CCDC170: variants seen among roughly 807,000 people sequenced by gnomAD.
The protein encoded by CCDC170 is coiled-coil domain containing 170, also known as coiled-coil domain-containing protein 170.
CCDC170 carries 69 observed loss-of-function variants against 72.6 expected under a neutral mutation model. The observed-to-expected ratio is 0.95, with a 90% confidence interval of 0.78 to 1.16. The LOEUF is 1.16. Ranked by LOEUF, CCDC170 falls within the 50% of genes most tolerant of loss-of-function variation. CCDC170 has a pLI of 0.00. For missense variants in CCDC170, 852 were observed against 832.5 expected (o/e 1.02, Z -0.29); for synonymous variants, 300 against 303.9 (o/e 0.99, Z 0.13).
chr6:151,571,722 C>T lies in CCDC170; in HGVS notation c.775-1452C>T, dbSNP rs538300430. Among the ~76,000 whole-genome samples the T allele has an allele frequency of 6.1e-5, 9 of 147,978 alleles. 1 individual carries two copies. Among genetic ancestry groups the T allele is most frequent in the East Asian group, 2.4e-4 (1 of 4,186 alleles). On this transcript the variant is annotated intron_variant, in intron 5 of 10. Coordinates refer to ENST00000239374, the MANE Select transcript of CCDC170 (RefSeq NM_025059.4). Reference sequence around the variant, plus strand: ...AGCCTGGGCAATAAGAGTGAAACTCCGTCCCGGGAGAAAAAAAAATCCTCC... The same window carrying T: ...AGCCTGGGCAATAAGAGTGAAACTCTGTCCCGGGAGAAAAAAAAATCCTCC...
At chr6:151,550,354 G>A (rs1177962533) in intron 5 of CCDC170, among the ~76,000 whole-genome samples, 3 of 152,206 alleles carry the variant, frequency 2.0e-5, no homozygotes. Context: ...ACAGGCTGAG[G>A]AGGGGCCTGG....
At chr6:151,555,230 A>G (rs1481798672) in intron 5 of CCDC170, among the ~76,000 whole-genome samples, 4 of 152,172 alleles carry the variant, frequency 2.6e-5, no homozygotes, top group Admixed American at 2.6e-4. Flanking sequence ...AGGCTCTCTT[A>G]CTATTACGTT....
At chr6:151,565,840 A>G (rs1007449399) in intron 5 of CCDC170, among the ~76,000 whole-genome samples, 3 of 152,208 alleles carry the variant, frequency 2.0e-5, no homozygotes, top group African/African-American at 7.2e-5. Context: ...AAAATTTAAA[A>G]TCAGTTAAAT....
intron 2 of CCDC170, 34 bp downstream of exon 2, chr6:151,536,480 G>C (rs1243014997): frequency 1.9e-6 from 3 of 1,609,594 alleles, no homozygotes; most frequent in African/African-American, 2.7e-5. Context: ...TCAGAAATGG[G>C]CCTTCTTAGC....
At chr6:151,615,276 T>C (rs766101626) in intron 9 of CCDC170, among the ~76,000 whole-genome samples, 167 bp from the exon 10 acceptor site, 6 of 152,252 alleles carry the variant, frequency 3.9e-5, no homozygotes, top group Non-Finnish European at 7.3e-5. Flanking sequence ...AAGACATGTT[T>C]GTCCAGCACA....
chr6:151,495,087 G>C (rs1781890582), intron 1 of CCDC170, among the ~76,000 whole-genome samples: 1 of 152,172 alleles, frequency 6.6e-6, no homozygotes, highest in African/African-American at 2.4e-5. Flanking sequence ...GATATCCCTG[G>C]GGGATGTAGT....
At chr6:151,572,812 G>A (rs192063639) in intron 5 of CCDC170, among the ~76,000 whole-genome samples, 96 of 151,706 alleles carry the variant, frequency 6.3e-4, no homozygotes, top group South Asian at 2.3e-3. Context: ...ACTATGCCCC[G>A]CTAAGTTTTG....
intron 1 of CCDC170, among the ~76,000 whole-genome samples, chr6:151,515,623 G>A (rs1423811920): frequency 6.6e-6 from 1 of 152,170 alleles, no homozygotes; most frequent in Non-Finnish European, 1.5e-5. Flanking sequence ...CCTCCAGGTA[G>A]CAGGCTTCAG....
chr6:151,556,943 C>G (rs1023641535), intron 5 of CCDC170, among the ~76,000 whole-genome samples: 3 of 152,174 alleles, frequency 2.0e-5, no homozygotes, highest in Non-Finnish European at 4.4e-5. Flanking sequence ...CTATATGAGT[C>G]AACTCTTTTA....
intron 1 of CCDC170, among the ~76,000 whole-genome samples, chr6:151,530,251 T>TC (rs1782475184): frequency 6.6e-6 from 1 of 151,968 alleles, no homozygotes; most frequent in Non-Finnish European, 1.5e-5. Flanking sequence ...TTATTTCCAT[T>TC]TCTTTTGATA....
chr6:151,577,689 G>C (rs1776323071), intron 6 of CCDC170, among the ~76,000 whole-genome samples: 1 of 152,212 alleles, frequency 6.6e-6, no homozygotes, highest in African/African-American at 2.4e-5. Flanking sequence ...ACCCGCACCA[G>C]TGCCTGGCCT....
At chr6:151,600,592 T>C (rs1312359586) in intron 9 of CCDC170, among the ~76,000 whole-genome samples, 3 of 152,152 alleles carry the variant, frequency 2.0e-5, no homozygotes, top group African/African-American at 7.2e-5. Flanking sequence ...TAAGGTCACA[T>C]TCCGAGGTTC....
At chr6:151,547,479 C>A (rs73615746) in intron 4 of CCDC170, among the ~76,000 whole-genome samples, 19,636 of 151,942 alleles carry the variant, frequency 0.13, 3,933 homozygotes, top group African/African-American at 0.43. Flanking sequence ...GTTTTGAGGG[C>A]CATTGAGGAG....
intron 1 of CCDC170, among the ~76,000 whole-genome samples, chr6:151,531,969 A>G (rs1382832138): frequency 1.3e-5 from 2 of 152,310 alleles, no homozygotes; most frequent in Admixed American, 1.3e-4. Flanking sequence ...ACAATTCAAG[A>G]TGATATTTGA....
At chr6:151,516,154 C>G (rs1238530644) in intron 1 of CCDC170, among the ~76,000 whole-genome samples, 1 of 151,824 alleles carries the variant, frequency 6.6e-6, no homozygotes, top group South Asian at 2.1e-4. Context: ...TAATGCTATA[C>G]TAGAGTCAGG....
intron 1 of CCDC170, among the ~76,000 whole-genome samples, chr6:151,525,761 A>C (rs1038995719): frequency 2.6e-5 from 4 of 152,234 alleles, no homozygotes; most frequent in Non-Finnish European, 5.9e-5. Flanking sequence ...ACAGATGTGC[A>C]TGACACTATA....
intron 1 of CCDC170, among the ~76,000 whole-genome samples, chr6:151,523,100 C>G (rs532228221): frequency 6.6e-6 from 1 of 152,246 alleles, no homozygotes; most frequent in East Asian, 1.9e-4. Context: ...TTACATACTG[C>G]TACAATTTCC....
rs1233410242 is a variant in CCDC170 at position 151,619,675 on chromosome 6, C to G, written c.*1528C>G. On this transcript the variant is annotated 3_prime_UTR_variant, in exon 11 of 11. Coordinates refer to ENST00000239374, the MANE Select transcript of CCDC170 (RefSeq NM_025059.4). ...TCTCTGCAAAAAATACAAAAATGAG[C>G]CCGGTATGTTGGCATATGCCTGTAA... is the stretch of plus-strand genomic sequence containing the variant. The G allele has an allele frequency of 6.6e-6, 1 of 152,120 alleles. No homozygotes were observed. Among genetic ancestry groups the G allele is most frequent in the Non-Finnish European group, 1.5e-5 (1 of 68,020 alleles). 9.4% of individuals were successfully genotyped at this position (152,120 alleles called of 1,614,324 possible).
rs541305628 is a variant in CCDC170 at position 151,528,868 on chromosome 6, T to C, written c.58-7450T>C. Among the ~76,000 whole-genome samples, 39 of 149,836 alleles carry C rather than the reference T, an allele frequency of 2.6e-4. No homozygotes were observed. The East Asian group carries it at 7.2e-3, about 28-fold the overall frequency. On this transcript the variant is annotated intron_variant, in intron 1 of 10. Transcript: ENST00000239374. ...ATATATATATGTATATATAAGCATA[T>C]AATAAAGAAAAAAAAAGTCTACCTT... is the stretch of plus-strand genomic sequence containing the variant.
Sources: gnomAD v4.1 joint callset for allele counts (sites outside exome capture counted in the v4.1 genomes callset) on GRCh38, gnomAD v4.1.1 for gene constraint, MANE v1.5 for transcripts, NCBI Gene and HGNC (gene_info 2026-07-23, HGNC 2026-07-21) for gene names.